Variants in TSHZ2 observed in about 807,000 individuals in gnomAD.
TSHZ2 encodes the protein teashirt homolog 2.
A neutral mutation model predicts 74.4 loss-of-function variants in TSHZ2; 21 were observed. That is an observed-to-expected ratio of 0.28 (90% confidence interval 0.20 to 0.41). The LOEUF (loss-of-function observed/expected upper bound fraction) is 0.41. Among genes scored for constraint, TSHZ2 ranks in the 10% least tolerant of loss-of-function variants. The probability of loss-of-function intolerance (pLI) is 1.00; values close to 1 mark genes in which losing one functional copy is unlikely to be tolerated. For synonymous variants in TSHZ2, 540 were observed against 515.3 expected (o/e 1.05, Z -0.65); for missense variants, 1,244 against 1,293.5 (o/e 0.96, Z 0.59).
At chr20:53,078,456 G>A (rs1434708321) in intron 1 of TSHZ2, among the ~76,000 whole-genome samples, 1 of 152,164 alleles carries the variant, frequency 6.6e-6, no homozygotes, top group Non-Finnish European at 1.5e-5. Flanking sequence ...AATGGTACAA[G>A]ATAAAACTGG....
Position 53,356,098 on chromosome 20 carries a change from A to C in TSHZ2, c.*8+99527A>C, listed in dbSNP as rs576585548. Among the ~76,000 whole-genome samples, 98 of 152,354 alleles carry C rather than the reference A, an allele frequency of 6.4e-4. 1 individual carries two copies. In the Middle Eastern group the frequency reaches 0.01, roughly 16 times the overall value. On this transcript the variant is annotated intron_variant, in intron 2 of 2. Coordinates refer to ENST00000371497, the MANE Select transcript of TSHZ2 (RefSeq NM_173485.6). Reference sequence around the variant, plus strand: ...GCAGGCCTGATACTGAGGGTGCTTCATGTGCTACGAAGACATTGAGAGATT... The same window carrying C: ...GCAGGCCTGATACTGAGGGTGCTTCCTGTGCTACGAAGACATTGAGAGATT...
intron 2 of TSHZ2, among the ~76,000 whole-genome samples, chr20:53,393,701 A>G (rs1982344419): frequency 6.8e-6 from 1 of 146,168 alleles, no homozygotes; most frequent in South Asian, 2.1e-4. Flanking sequence ...CAAATTGTAA[A>G]AACTAAGGTC....
intron 2 of TSHZ2, among the ~76,000 whole-genome samples, chr20:53,366,007 A>G (rs968334587): frequency 2.6e-5 from 4 of 152,222 alleles, no homozygotes; most frequent in African/African-American, 9.6e-5. Context: ...ATCAACCAAA[A>G]TTCAGTTCCC....
chr20:53,402,869 T>G (rs1982717160), intron 2 of TSHZ2, among the ~76,000 whole-genome samples: 1 of 152,172 alleles, frequency 6.6e-6, no homozygotes, highest in South Asian at 2.1e-4. Flanking sequence ...AACCGAACTT[T>G]GATTCTGCAG....
intron 2 of TSHZ2, among the ~76,000 whole-genome samples, chr20:53,383,056 G>A (rs907919535): frequency 6.6e-6 from 1 of 152,002 alleles, no homozygotes; most frequent in Non-Finnish European, 1.5e-5. Flanking sequence ...AGGTTCGGAG[G>A]TCGAGACCAG....
chr20:53,356,172 A>G (rs1228908138), intron 2 of TSHZ2, among the ~76,000 whole-genome samples: 1 of 152,228 alleles, frequency 6.6e-6, no homozygotes, highest in East Asian at 1.9e-4. Context: ...CTTAATAAGA[A>G]TAAAGTCAGC....
At chr20:53,012,667 C>T (rs553845569) in intron 1 of TSHZ2, among the ~76,000 whole-genome samples, 19 of 152,154 alleles carry the variant, frequency 1.2e-4, no homozygotes, top group Non-Finnish European at 2.4e-4. Context: ...CAACCACACA[C>T]ACACACACAT....
At chr20:53,303,448 G>T (rs114362706) in intron 2 of TSHZ2, among the ~76,000 whole-genome samples, 52 of 152,292 alleles carry the variant, frequency 3.4e-4, no homozygotes, top group African/African-American at 1.1e-3. Flanking sequence ...CAACTGGAAG[G>T]TGGTTTACAG....
chr20:53,242,475 G>T (rs1284946487), intron 1 of TSHZ2, among the ~76,000 whole-genome samples: 1 of 152,058 alleles, frequency 6.6e-6, no homozygotes, highest in African/African-American at 2.4e-5. Flanking sequence ...ATTTTTATAG[G>T]GGATGAGTTC....
In TSHZ2 at chr20:53,255,230, C is replaced by T. The variant is rs1990439230; in HGVS notation, c.1772C>T (p.Pro591Leu). ...AAAGTGATGCCACTGGTTTCTATGC[C>T]CACACACCTGGCCCCTTACACTCAA... ...KWKVMPLVSM[P>L]THLAPYTQVK... is the part of the protein sequence containing the mutation. Residue 591 changes from proline (P) to leucine (L), a missense_variant, in exon 2 of 3, where the codon CCC (proline) becomes CTC (leucine). Physicochemically the swap from Pro to Leu is moderately conservative, Grantham distance 98. Transcript: ENST00000371497. This position sits in a 1 kb window ranked among gnomAD's most constrained non-coding sequence, Gnocchi z 4.1. The T allele has an allele frequency of 6.2e-7, 1 of 1,614,158 alleles. No homozygotes were observed. The highest frequency in any genetic ancestry group is 8.5e-7 in the Non-Finnish European group (1 of 1,180,032).
At chr20:53,424,348 C>T (rs1175520474) in intron 2 of TSHZ2, among the ~76,000 whole-genome samples, 3 of 152,134 alleles carry the variant, frequency 2.0e-5, no homozygotes, top group Admixed American at 2.0e-4. Context: ...AATCATTTTC[C>T]TAATTTAAGG....
chr20:53,462,465 G>T (rs1028223492), intron 2 of TSHZ2, among the ~76,000 whole-genome samples: 1 of 152,106 alleles, frequency 6.6e-6, no homozygotes, highest in Non-Finnish European at 1.5e-5. Context: ...CCACGCTGTT[G>T]GTCAATAAAG....
At chr20:53,211,890 C>A (rs1384254285) in intron 1 of TSHZ2, among the ~76,000 whole-genome samples, 2 of 152,144 alleles carry the variant, frequency 1.3e-5, no homozygotes, top group East Asian at 3.9e-4. Context: ...CTCCCTCCCA[C>A]CCTCTCCCTC....
intron 1 of TSHZ2, chr20:53,196,481 G>GTCAAC (rs745706381): frequency 5.3e-5 from 8 of 151,892 alleles, no homozygotes; most frequent in Non-Finnish European, 8.8e-5. Flanking sequence ...CCTGATTGCG[G>GTCAAC]TCAACTCACC....
chr20:53,013,352 A>C (rs541132225), intron 1 of TSHZ2, among the ~76,000 whole-genome samples: 1 of 151,934 alleles, frequency 6.6e-6, no homozygotes, highest in Non-Finnish European at 1.5e-5. Flanking sequence ...TCTGAGCTCG[A>C]GCATTTTTTT....
intron 1 of TSHZ2, among the ~76,000 whole-genome samples, chr20:53,154,996 A>G (rs1158448369): frequency 6.6e-6 from 1 of 152,156 alleles, no homozygotes. Flanking sequence ...GTTGAAAAAA[A>G]AATAGTTAAT....
At position 52,973,201 on chromosome 20, in the gene TSHZ2, G is replaced by A; in HGVS notation, c.-93G>A. ...CGTCCTAGGAGCCACCGGGCAAGAG[G>A]CGGAGGAGACCCAGAGAGGCCAGAG... On this transcript the variant is annotated 5_prime_UTR_variant, in exon 1 of 3. Transcript: ENST00000371497. 3 of 1,512,592 alleles carry A rather than the reference G, an allele frequency of 2.0e-6. No individual in the cohort carries two copies. Among genetic ancestry groups the A allele is most frequent in the Non-Finnish European group, 2.7e-6 (3 of 1,114,532 alleles). 93.7% of individuals were successfully genotyped at this position (1,512,592 alleles called of 1,614,324 possible).
rs746364354 is a variant in TSHZ2 at position 53,255,912 on chromosome 20, C to G, written c.2454C>G (p.Pro818=). The change falls in exon 2 of 3, where the codon CCC becomes CCG. Residue 818 remains proline, a synonymous_variant. Coordinates refer to ENST00000371497, the MANE Select transcript of TSHZ2 (RefSeq NM_173485.6). The surrounding 1 kb of genome is among the most constrained non-coding windows in gnomAD (Gnocchi z 4.1). ...CAGCCTCCTCCTCCAGGGTCCCCCC[C>G]ATGAAGCTGGAAATGGATGTCAGGC... ...PKPASSSRVP[P]MKLEMDVRRF... is the part of the protein sequence containing the mutation. 1.1e-5 allele frequency: 17 copies of G among 1,614,156 alleles called. No homozygotes were observed. Among genetic ancestry groups the G allele is most frequent in the African/African-American group, 5.3e-5 (4 of 75,042 alleles).
chr20:53,049,739 A>G (rs1202330435), intron 1 of TSHZ2, among the ~76,000 whole-genome samples: 2 of 152,066 alleles, frequency 1.3e-5, no homozygotes, highest in East Asian at 1.9e-4. Context: ...TGGTGAATGA[A>G]GCACACAGCA....
Sources: gnomAD v4.1 joint callset for allele counts (sites outside exome capture counted in the v4.1 genomes callset) on GRCh38, gnomAD v4.1.1 for gene constraint, Gnocchi (gnomAD v3.1) non-coding constraint, MANE v1.5 for transcripts, NCBI Gene and HGNC (gene_info 2026-07-23, HGNC 2026-07-21) for gene names.